SPATA4: variants seen among roughly 807,000 people sequenced by gnomAD.
SPATA4 encodes the protein spermatogenesis-associated protein 4.
SPATA4 carries 35 observed loss-of-function variants against 31.8 expected under a neutral mutation model. That is an observed-to-expected ratio of 1.10 (90% CI 0.84 to 1.46). SPATA4 has a LOEUF of 1.46. Among genes scored for constraint, SPATA4 ranks in the 40% most tolerant of loss-of-function variants. The pLI is 0.00. For missense variants in SPATA4, 394 were observed against 363.1 expected (o/e 1.09, Z -0.69); for synonymous variants, 126 against 132.4 (o/e 0.95, Z 0.33).
Position 176,195,443 on chromosome 4 carries a change from C to G in SPATA4, c.120G>C (p.Leu40=), listed in dbSNP as rs1173521894. 6.2e-7 allele frequency: 1 copy of G among 1,614,256 alleles called. No homozygotes were observed. Among genetic ancestry groups the G allele is most frequent in the Non-Finnish European group, 8.5e-7 (1 of 1,180,048 alleles). The change falls in exon 1 of 6, where the codon CTG becomes CTC. Residue 40 remains leucine, a synonymous_variant. Transcript: ENST00000280191. ...APIRGRPKKC[L]VYPHAPKSSR... ...AGCTCTTCGGCGCATGCGGATAGACCAGACACTTCTTAGGCCTCCCTCGGA... is the reference window on the plus strand; with the variant it reads ...AGCTCTTCGGCGCATGCGGATAGACGAGACACTTCTTAGGCCTCCCTCGGA...
intron 1 of SPATA4, chr4:176,194,975 G>A (rs1162486694): frequency 4.7e-6 from 1 of 211,960 alleles, no homozygotes; most frequent in East Asian, 1.3e-4. Context: ...GACCTCAGGT[G>A]ATCCGCCTGC....
intron 5 of SPATA4, among the ~76,000 whole-genome samples, chr4:176,185,975 A>G (rs1253391719): frequency 6.6e-6 from 1 of 152,236 alleles, no homozygotes; most frequent in African/African-American, 2.4e-5. Context: ...AAAGAGCAGT[A>G]GAGAATAAAA....
At chr4:176,193,981 G>C (rs1752573603) in intron 1 of SPATA4, 1 of 159,888 alleles carries the variant, frequency 6.3e-6, no homozygotes, top group Non-Finnish European at 1.4e-5. Context: ...ATATTAAATG[G>C]AAAATTCAAG....
intron 4 of SPATA4, among the ~76,000 whole-genome samples, chr4:176,190,349 T>G (rs1409315972): frequency 6.6e-6 from 1 of 152,198 alleles, no homozygotes; most frequent in Non-Finnish European, 1.5e-5. Context: ...GAGGATATAT[T>G]TATAATCTCA....
In SPATA4 at chr4:176,192,718, GC is replaced by G. The variant is rs571422421; in HGVS notation, c.596del (p.Ser199ThrfsTer6). 1,161 of 1,614,106 alleles carry G rather than the reference GC, an allele frequency of 7.2e-4. 3 individuals carry two copies. Among genetic ancestry groups the G allele is most frequent in the Non-Finnish European group, 7.7e-4 (911 of 1,179,990 alleles). ...KDNIRLSELL[S>X]NPNMLTNELK... ...GTTCATTGGTCAGCATGTTGGGATT[GC>G]TTAGTAATTCTGATAACCTAATGTT... On this transcript the variant is annotated frameshift_variant, in exon 4 of 6. Transcript: ENST00000280191. LOFTEE classifies it high-confidence loss of function.
Position 176,193,529 on chromosome 4 carries a change from C to T in SPATA4, c.272G>A (p.Trp91Ter), listed in dbSNP as rs1377069446. ...IAEIFCIYYP[W>*]ELELSSFENG... ...TTCAAAGGATGATAATTCAAGTTCC[C>T]AGGGGTAATATATACAGAATATTTC... The change falls in exon 2 of 6, where the codon TGG (tryptophan) becomes TAG (stop). Residue 91 changes from tryptophan (W) to a stop codon, truncating the protein, a stop_gained. Transcript: ENST00000280191. LOFTEE classifies it high-confidence loss of function. 3 of 1,613,428 alleles carry T rather than the reference C, an allele frequency of 1.9e-6. No homozygotes were observed. Among genetic ancestry groups the T allele is most frequent in the South Asian group, 1.1e-5 (1 of 91,030 alleles).
chr4:176,192,590 G>T, intron 4 of SPATA4, 37 bp downstream of exon 4: 1 of 1,547,374 alleles, frequency 6.5e-7, no homozygotes, highest in Non-Finnish European at 8.9e-7. Flanking sequence ...GCCTGATAGA[G>T]CTTGGAAGAA....
intron 4 of SPATA4, among the ~76,000 whole-genome samples, chr4:176,191,761 GA>G (rs1752536963): frequency 1.3e-5 from 2 of 152,088 alleles, no homozygotes; most frequent in Admixed American, 1.3e-4. Context: ...CAAAATATAA[GA>G]GATGGAAGAA....
At chr4:176,191,294 C>T (rs547238140) in intron 4 of SPATA4, among the ~76,000 whole-genome samples, 1 of 152,102 alleles carries the variant, frequency 6.6e-6, no homozygotes, top group Non-Finnish European at 1.5e-5. Flanking sequence ...CGGGATTTCA[C>T]CATGTTGGTC....
intron 5 of SPATA4, among the ~76,000 whole-genome samples, chr4:176,186,669 T>C (rs1752445475): frequency 6.6e-6 from 1 of 152,192 alleles, no homozygotes; most frequent in Admixed American, 6.5e-5. Flanking sequence ...CATTAAAAAG[T>C]GTGCTATGAG....
Position 176,188,316 on chromosome 4 carries a change from TAAGTA to T in SPATA4, c.689-86_689-82del, listed in dbSNP as rs1579294446. ...AAATAAGATGCCATAATTTAAAAATTAAGTAAATTATTTAAATTTCTGTTTATCAT... is the reference window on the plus strand; with the variant it reads ...AAATAAGATGCCATAATTTAAAAATTAATTATTTAAATTTCTGTTTATCAT... On this transcript the variant is annotated intron_variant, in intron 4 of 5. Coordinates refer to ENST00000280191, the MANE Select transcript of SPATA4 (RefSeq NM_144644.4). 4 of 889,318 alleles carry T rather than the reference TAAGTA, an allele frequency of 4.5e-6. No individual in the cohort carries two copies. The East Asian group carries it at 1.1e-4, about 24-fold the overall frequency. 55.1% of individuals were successfully genotyped at this position (889,318 alleles called of 1,614,324 possible).
At chr4:176,191,095 GAT>G (rs1491111682) in intron 4 of SPATA4, among the ~76,000 whole-genome samples, 3,447 of 87,942 alleles carry the variant, frequency 0.039, 109 homozygotes, top group African/African-American at 0.13. Flanking sequence ...AGTATGTATA[GAT>G]TTTTTTTTTT....
At chr4:176,191,196 A>C (rs967829139) in intron 4 of SPATA4, among the ~76,000 whole-genome samples, 1 of 151,704 alleles carries the variant, frequency 6.6e-6, no homozygotes, top group Non-Finnish European at 1.5e-5. Context: ...CCTGGGTTCA[A>C]GCCATTCTCC....
chr4:176,187,319 TTTTTC>T (rs1360314043), intron 5 of SPATA4, among the ~76,000 whole-genome samples: 2 of 151,316 alleles, frequency 1.3e-5, no homozygotes, highest in African/African-American at 4.9e-5. Context: ...GGAATTACTA[TTTTTC>T]TTTTGATTTT....
At chr4:176,190,249 G>C (rs548830280) in intron 4 of SPATA4, among the ~76,000 whole-genome samples, 2 of 152,052 alleles carry the variant, frequency 1.3e-5, no homozygotes, top group Non-Finnish European at 2.9e-5. Context: ...AAGACGATAG[G>C]GGGGTGGTCT....
chr4:176,191,182 G>C (rs1752521772), intron 4 of SPATA4, among the ~76,000 whole-genome samples: 1 of 150,056 alleles, frequency 6.7e-6, no homozygotes, highest in Admixed American at 6.7e-5. Context: ...TGCAACCTAA[G>C]CCTCCTGGGT....
intron 2 of SPATA4, 111 bp from the exon 3 acceptor site, chr4:176,193,187 G>T: frequency 1.3e-6 from 1 of 796,488 alleles, no homozygotes; most frequent in Non-Finnish European, 2.0e-6. Context: ...TAATTTTTGT[G>T]TTTAACACGT....
chr4:176,195,142 G>A (rs1260981438), intron 1 of SPATA4, among the ~76,000 whole-genome samples: 1 of 152,186 alleles, frequency 6.6e-6, no homozygotes. Context: ...TTAATGATTG[G>A]TTGATTAATT....
chr4:176,188,537 G>A (rs1752480375), intron 4 of SPATA4, among the ~76,000 whole-genome samples: 1 of 152,130 alleles, frequency 6.6e-6, no homozygotes, highest in African/African-American at 2.4e-5. Flanking sequence ...TCCAATGAAT[G>A]TGTGAGTGAA....
Sources: gnomAD v4.1 joint callset for allele counts (sites outside exome capture counted in the v4.1 genomes callset) on GRCh38, gnomAD v4.1.1 for gene constraint, MANE v1.5 for transcripts, NCBI Gene and HGNC (gene_info 2026-07-23, HGNC 2026-07-21) for gene names.